RAMP1: variants seen among roughly 807,000 people sequenced by gnomAD.
RAMP1 encodes receptor activity-modifying protein 1.
In RAMP1, 7 loss-of-function variants were observed where a neutral mutation model predicts 8.2. The observed-to-expected ratio is 0.85, with a 90% CI of 0.49 to 1.60. The LOEUF (loss-of-function observed/expected upper bound fraction) is 1.60, where lower values mean the gene tolerates loss of function less well. Ranked by LOEUF, RAMP1 falls within the 40% of genes most tolerant of loss-of-function variation. The probability of loss-of-function intolerance (pLI) is 0.00; values close to 1 mark genes in which losing one functional copy is unlikely to be tolerated. For missense variants in RAMP1, 192 were observed against 202.4 expected, an observed-to-expected ratio of 0.95 and a Z score of 0.31; for synonymous variants, 92 against 84.7, an observed-to-expected ratio of 1.09 and a Z score of -0.47.
Position 237,877,441 on chromosome 2 carries a change from G to A in RAMP1, c.191+79G>A. 3.3e-6 allele frequency: 5 copies of A among 1,531,054 alleles called. No homozygotes were observed. Among genetic ancestry groups the A allele is most frequent in the Non-Finnish European group, 4.4e-6 (5 of 1,137,536 alleles). The allele number at this position is 1,531,054 out of a possible 1,614,324, so 94.8% of individuals were successfully genotyped here. On this transcript the variant is annotated intron_variant, in intron 2 of 2. Coordinates refer to ENST00000254661, the MANE Select transcript of RAMP1 (RefSeq NM_005855.4). This position sits in a 1 kb window ranked among gnomAD's most constrained non-coding sequence, Gnocchi z 4.4. Reference sequence around the variant, plus strand: ...AAGCGGAGGAGGAGTGGACCACGTGGGAGCTGTGGAAGATCCTTTCTAGAC... The same window carrying A: ...AAGCGGAGGAGGAGTGGACCACGTGAGAGCTGTGGAAGATCCTTTCTAGAC...
At chr2:237,893,232 G>C (rs2062503933) in intron 2 of RAMP1, among the ~76,000 whole-genome samples, 1 of 152,256 alleles carries the variant, frequency 6.6e-6, no homozygotes, top group Non-Finnish European at 1.5e-5. Context: ...GATGTCATCA[G>C]AGAAGGCAGA....
chr2:237,882,409 G>A (rs548118956), intron 2 of RAMP1, among the ~76,000 whole-genome samples: 52 of 152,334 alleles, frequency 3.4e-4, no homozygotes, highest in African/African-American at 1.0e-3. Flanking sequence ...AGCACGTAAC[G>A]TACATTGGCT....
In RAMP1 at chr2:237,878,083, G is replaced by C. The variant is rs932800654; in HGVS notation, c.191+721G>C. 2.0e-6 allele frequency: 2 copies of C among 985,356 alleles called. No individual in the cohort carries two copies. The highest frequency in any genetic ancestry group is 2.4e-6 in the Non-Finnish European group (2 of 829,938). 61.0% of individuals were successfully genotyped at this position (985,356 alleles called of 1,614,324 possible). A position where few individuals can be genotyped will look rare whatever the true frequency, so the allele number is the denominator to read the frequency against. ...CCTTGTTTCTGCCTCCGTGGGAGGC[G>C]CTGGGGTGTCCTGGGGCTGCAGTGG... On this transcript the variant is annotated intron_variant, in intron 2 of 2. Transcript: ENST00000254661. The surrounding 1 kb of genome is among the most constrained non-coding windows in gnomAD (Gnocchi z 5.7).
chr2:237,877,489 T>C lies in RAMP1; in HGVS notation c.191+127T>C, dbSNP rs1389638738. ...GACCCCGGAAGGGTTCTTCCCCCAGTGGGGGGGGCCGGGATGAAGACAGAG... is the reference window on the plus strand; with the variant it reads ...GACCCCGGAAGGGTTCTTCCCCCAGCGGGGGGGGCCGGGATGAAGACAGAG... On this transcript the variant is annotated intron_variant, in intron 2 of 2. Coordinates refer to ENST00000254661, the MANE Select transcript of RAMP1 (RefSeq NM_005855.4). The surrounding 1 kb of genome is among the most constrained non-coding windows in gnomAD (Gnocchi z 4.4). The C allele has an allele frequency of 1.6e-6, 2 of 1,289,764 alleles. No individual in the cohort carries two copies. Among genetic ancestry groups the C allele is most frequent in the Non-Finnish European group, 2.1e-6 (2 of 961,316 alleles). The allele number at this position is 1,289,764 out of a possible 1,614,324, so 79.9% of individuals were successfully genotyped here. A position where few individuals can be genotyped will look rare whatever the true frequency, so the allele number is the denominator to read the frequency against.
At chr2:237,876,620 G>A (rs890187848) in intron 1 of RAMP1, among the ~76,000 whole-genome samples, 2 of 151,976 alleles carry the variant, frequency 1.3e-5, no homozygotes, top group Admixed American at 1.3e-4. Flanking sequence ...TGGTGGGTGG[G>A]GGACCAAGGG....
intron 1 of RAMP1, among the ~76,000 whole-genome samples, chr2:237,875,661 G>A: frequency 6.6e-6 from 1 of 152,134 alleles, no homozygotes; most frequent in East Asian, 1.9e-4. Context: ...AACACACCTG[G>A]CTCTTTGGGA....
intron 1 of RAMP1, among the ~76,000 whole-genome samples, chr2:237,864,122 G>C (rs1048730628): frequency 9.2e-5 from 14 of 152,150 alleles, no homozygotes; most frequent in Non-Finnish European, 4.4e-5. Context: ...GGAAACCACG[G>C]GGGCAGGAGG....
chr2:237,875,413 C>T, intron 1 of RAMP1, among the ~76,000 whole-genome samples: 1 of 149,428 alleles, frequency 6.7e-6, no homozygotes, highest in Non-Finnish European at 1.5e-5. Flanking sequence ...GTTCTGCCCT[C>T]AGCCTTCCCA....
chr2:237,896,086 G>A (rs568502371), intron 2 of RAMP1, among the ~76,000 whole-genome samples: 6 of 152,286 alleles, frequency 3.9e-5, no homozygotes, highest in East Asian at 1.9e-4. Flanking sequence ...CCTGATCCTC[G>A]GACCCTGGGA....
rs1455069073 is a variant in RAMP1 at position 237,877,381 on chromosome 2, G to C, written c.191+19G>C. The C allele has an allele frequency of 1.2e-6, 2 of 1,605,422 alleles. No individual in the cohort carries two copies. The highest frequency in any genetic ancestry group is 1.7e-6 in the Non-Finnish European group (2 of 1,175,748). ...CCATCAGGTGAGTCCCATGGCCCCTGGTGGGCAGGACACGGTTGGGGAGGG... is the reference window on the plus strand; with the variant it reads ...CCATCAGGTGAGTCCCATGGCCCCTCGTGGGCAGGACACGGTTGGGGAGGG... On this transcript the variant is annotated intron_variant, in intron 2 of 2. Transcript: ENST00000254661. This position sits in a 1 kb window ranked among gnomAD's most constrained non-coding sequence, Gnocchi z 4.4.
chr2:237,875,673 C>G (rs1293325759), intron 1 of RAMP1, among the ~76,000 whole-genome samples: 1 of 152,164 alleles, frequency 6.6e-6, no homozygotes, highest in Non-Finnish European at 1.5e-5. Context: ...TCTTTGGGAC[C>G]CACTCATGGC....
At chr2:237,885,870 G>A (rs1439858702) in intron 2 of RAMP1, among the ~76,000 whole-genome samples, 2 of 152,192 alleles carry the variant, frequency 1.3e-5, no homozygotes, top group African/African-American at 4.8e-5. Flanking sequence ...CGGAAACCCG[G>A]CTGCTGACCC....
chr2:237,911,813 C>G lies in RAMP1; in HGVS notation c.*30C>G, dbSNP rs1221093143. On this transcript the variant is annotated 3_prime_UTR_variant, in exon 3 of 3. Transcript: ENST00000254661. ...GGCCCAGGCTGCCCGCGGGTGCACC[C>G]AGGCTGCAGGGTGAGGCCAGGCAGG... 3.2e-6 allele frequency: 5 copies of G among 1,564,464 alleles called. No homozygotes were observed. In the Admixed American group the frequency reaches 9.4e-5, roughly 29 times the overall value.
chr2:237,868,543 A>G (rs1430613156), intron 1 of RAMP1, among the ~76,000 whole-genome samples: 1 of 147,392 alleles, frequency 6.8e-6, no homozygotes, highest in Non-Finnish European at 1.5e-5. Flanking sequence ...TTAATCTGTG[A>G]TTGGTCTCTT....
chr2:237,885,849 C>T (rs1410258764), intron 2 of RAMP1, among the ~76,000 whole-genome samples: 2 of 152,210 alleles, frequency 1.3e-5, no homozygotes, highest in Non-Finnish European at 2.9e-5. Context: ...CCAGAGCACA[C>T]CCCAGGGGCA....
At chr2:237,904,258 A>AC (rs2062633408) in intron 2 of RAMP1, among the ~76,000 whole-genome samples, 1 of 22,930 alleles carries the variant, frequency 4.4e-5, no homozygotes, top group Non-Finnish European at 1.1e-4. Context: ...CTAAAAATAC[A>AC]AAAAAAAAAA....
chr2:237,879,852 T>C (rs2062348699), intron 2 of RAMP1, among the ~76,000 whole-genome samples: 1 of 150,386 alleles, frequency 6.6e-6, no homozygotes, highest in Non-Finnish European at 1.5e-5. Context: ...TAGCCGGGCG[T>C]GGTAGCACAC....
Position 237,880,533 on chromosome 2 carries a change from A to G in RAMP1, c.191+3171A>G, listed in dbSNP as rs1032008662. On this transcript the variant is annotated intron_variant, in intron 2 of 2. Transcript: ENST00000254661. ...GTGTACACACATCCCAGGGATTTAG[A>G]TGGAACCCACGGAACCATACAGGTG... Among the ~76,000 whole-genome samples the G allele has an allele frequency of 7.9e-5, 12 of 152,200 alleles. 1 individual carries two copies. Among genetic ancestry groups the G allele is most frequent in the African/African-American group, 2.9e-4 (12 of 41,440 alleles).
chr2:237,910,627 T>C (rs949124535), intron 2 of RAMP1, among the ~76,000 whole-genome samples: 2 of 132,098 alleles, frequency 1.5e-5, no homozygotes, highest in Non-Finnish European at 3.2e-5. Context: ...AGAATAACAG[T>C]CACACAGAAT....
Sources: allele counts gnomAD v4.1 joint callset (sites outside exome capture counted in the v4.1 genomes callset), GRCh38; gene constraint gnomAD v4.1.1; non-coding constraint Gnocchi (gnomAD v3.1); transcripts MANE v1.5; gene names NCBI Gene and HGNC (gene_info 2026-07-23, HGNC 2026-07-21).